SLC44A5: variants seen among roughly 807,000 people sequenced by gnomAD.
SLC44A5 encodes the protein choline transporter-like protein 5.
Under a neutral mutation model 101.8 loss-of-function variants are expected in SLC44A5, and 57 were observed. The ratio of observed to expected loss-of-function variants is 0.56; its 90% CI spans 0.45 to 0.70. The LOEUF is 0.70. SLC44A5 is among the 30% of genes least tolerant of loss of function. The probability of loss-of-function intolerance (pLI) is 0.00; values close to 1 mark genes in which losing one functional copy is unlikely to be tolerated. For missense variants in SLC44A5, 737 were observed against 853.1 expected (o/e 0.86, Z 1.70); for synonymous variants, 281 against 290.9 (o/e 0.97, Z 0.35).
At chr1:75,432,093 A>G (rs1457902465) in intron 2 of SLC44A5, among the ~76,000 whole-genome samples, 6 of 152,164 alleles carry the variant, frequency 3.9e-5, no homozygotes, top group Non-Finnish European at 8.8e-5. Flanking sequence ...AGCAATTTGC[A>G]TTAAATCAAA....
At chr1:75,648,323 C>A in the SLC44A5 span, among the ~76,000 whole-genome samples, 1 of 152,094 alleles carries the variant, frequency 6.6e-6, no homozygotes, top group African/African-American at 2.4e-5. Flanking sequence ...TCAATTAAAT[C>A]TTTTTCCTTT....
intron 4 of SLC44A5, among the ~76,000 whole-genome samples, chr1:75,312,209 A>G (rs1216572169): frequency 6.6e-6 from 1 of 152,074 alleles, no homozygotes; most frequent in Non-Finnish European, 1.5e-5. Flanking sequence ...GCCTTCCACC[A>G]TGATTGTGAA....
chr1:75,333,981 G>T (rs1169599740), intron 4 of SLC44A5, among the ~76,000 whole-genome samples: 1 of 152,086 alleles, frequency 6.6e-6, no homozygotes, highest in Non-Finnish European at 1.5e-5. Flanking sequence ...TCTTCTGCCT[G>T]AATGCTTTGA....
At chr1:75,372,386 A>G (rs1045027757) in intron 3 of SLC44A5, among the ~76,000 whole-genome samples, 28 of 152,194 alleles carry the variant, frequency 1.8e-4, no homozygotes, top group African/African-American at 6.5e-4. Context: ...AAAAATAAAG[A>G]GTAATTAAGA....
At chr1:75,422,791 G>A (rs972897066) in intron 2 of SLC44A5, among the ~76,000 whole-genome samples, 30 of 152,132 alleles carry the variant, frequency 2.0e-4, no homozygotes, top group African/African-American at 7.0e-4. Flanking sequence ...TTTCCAGGAG[G>A]ACCAATGGTT....
chr1:75,640,328 G>T, the SLC44A5 span, among the ~76,000 whole-genome samples: 1 of 152,030 alleles, frequency 6.6e-6, no homozygotes, highest in Admixed American at 6.6e-5. Context: ...TCTTCACATG[G>T]TGGCAGAAGT....
chr1:75,374,073 C>T (rs1455413869), intron 3 of SLC44A5, among the ~76,000 whole-genome samples: 1 of 152,182 alleles, frequency 6.6e-6, no homozygotes, highest in East Asian at 1.9e-4. Flanking sequence ...GCCCTGCAGC[C>T]TAGAACATTT....
rs1401345220 is a variant in SLC44A5, at chr1:75,257,144, G to A, written c.261-5850C>T. On this transcript the variant is annotated intron_variant, in intron 6 of 23. Transcript: ENST00000370859. ...ATTACTATTTTGTTTGTTTTCACAT[G>A]CATATATTATTTTGATTCAAATTTT... 3.3e-5 allele frequency among the ~76,000 whole-genome samples: 5 copies of A among 152,222 alleles called. No homozygotes were observed. In the East Asian group the frequency reaches 9.7e-4, roughly 29 times the overall value.
Position 75,219,810 on chromosome 1 carries a change from C to T in SLC44A5, c.1168G>A (p.Val390Met), listed in dbSNP as rs201184837. The change falls in exon 15 of 24, where the codon GTG becomes ATG. Residue 390 changes from valine (V) to methionine (M), a missense_variant. Coordinates refer to ENST00000370859, the MANE Select transcript of SLC44A5 (RefSeq NM_001130058.2). ...ATTACCAAAGGATACACTGCTGTCA[C>T]GACCCAGTAGCAAATGCAGATTGAG... ...LLSICICYWV[V>M]TAVFLATSGV... 19 of 1,610,954 alleles carry T rather than the reference C, an allele frequency of 1.2e-5. No homozygotes were observed. Among genetic ancestry groups the T allele is most frequent in the African/African-American group, 2.7e-5 (2 of 74,800 alleles).
At chr1:75,721,880 G>C in the SLC44A5 span, among the ~76,000 whole-genome samples, 1 of 152,140 alleles carries the variant, frequency 6.6e-6, no homozygotes, top group Admixed American at 6.6e-5. Context: ...TAGGATCCTG[G>C]TTCAAAAACA....
At chr1:75,709,544 T>C in the SLC44A5 span, among the ~76,000 whole-genome samples, 1 of 152,218 alleles carries the variant, frequency 6.6e-6, no homozygotes, top group Non-Finnish European at 1.5e-5. Flanking sequence ...AGGTTTTTTC[T>C]TTCTTGATGT....
intron 1 of SLC44A5, among the ~76,000 whole-genome samples, chr1:75,570,453 T>G (rs1673015291): frequency 6.6e-6 from 1 of 152,142 alleles, no homozygotes; most frequent in Non-Finnish European, 1.5e-5. Flanking sequence ...GTTCAATCTA[T>G]TTTATGGAAT....
chr1:75,464,740 A>G (rs574591464), intron 2 of SLC44A5, among the ~76,000 whole-genome samples: 1 of 152,340 alleles, frequency 6.6e-6, no homozygotes, highest in Non-Finnish European at 1.5e-5. Flanking sequence ...CTATGCTTGT[A>G]TCAGACAAAA....
rs377476592 is a variant in SLC44A5, at chr1:75,541,425, A to G, written c.13+10T>C. ...AGATCAAGAGGAACTTAATTCAAGT[A>G]GGTGATTACCTGTGTCATTCATTGA... On this transcript the variant is annotated intron_variant, in intron 2 of 23. Transcript: ENST00000370859. 3 of 1,596,846 alleles carry G rather than the reference A, an allele frequency of 1.9e-6. No individual in the cohort carries two copies. Among genetic ancestry groups the G allele is most frequent in the Non-Finnish European group, 2.6e-6 (3 of 1,165,308 alleles).
chr1:75,566,355 G>C (rs1672785226), intron 1 of SLC44A5, among the ~76,000 whole-genome samples: 1 of 150,992 alleles, frequency 6.6e-6, no homozygotes, highest in South Asian at 2.1e-4. Flanking sequence ...TCTTTCAAAA[G>C]AATAAGAATG....
At chr1:75,252,315 G>A (rs1445364337) in intron 6 of SLC44A5, among the ~76,000 whole-genome samples, 2 of 152,136 alleles carry the variant, frequency 1.3e-5, no homozygotes, top group East Asian at 3.8e-4. Context: ...AAATGTAATG[G>A]GCTATTGAGC....
the SLC44A5 span, chr1:75,641,895 C>G: frequency 1.9e-6 from 3 of 1,592,172 alleles, no homozygotes; most frequent in African/African-American, 4.0e-5. Context: ...GAGACCCATT[C>G]AAGAATTTCC....
chr1:75,227,341 G>A (rs543434088), intron 13 of SLC44A5, among the ~76,000 whole-genome samples: 1 of 151,902 alleles, frequency 6.6e-6, no homozygotes, highest in South Asian at 2.1e-4. Context: ...CTCCAGCCTG[G>A]GTGATAGAGC....
the SLC44A5 span, among the ~76,000 whole-genome samples, chr1:75,630,774 C>T: frequency 4.6e-5 from 7 of 152,274 alleles, no homozygotes; most frequent in South Asian, 1.5e-3. Flanking sequence ...ACTCCCCATG[C>T]TTTAAGTGTA....
Sources: gnomAD v4.1 joint callset for allele counts (sites outside exome capture counted in the v4.1 genomes callset) on GRCh38, gnomAD v4.1.1 for gene constraint, MANE v1.5 for transcripts, NCBI Gene and HGNC (gene_info 2026-07-23, HGNC 2026-07-21) for gene names.